The following VPS13A variants were observed in gnomAD, a reference collection of about 807,000 sequenced individuals.
The protein encoded by VPS13A is intermembrane lipid transfer protein VPS13A.
Under a neutral mutation model 390.9 loss-of-function variants are expected in VPS13A, and 264 were observed. The observed-to-expected ratio is 0.68, with a 90% CI of 0.61 to 0.75. The LOEUF (loss-of-function observed/expected upper bound fraction) is 0.75. Among genes scored for constraint, VPS13A ranks in the 30% least tolerant of loss-of-function variants. The pLI, the probability that VPS13A is intolerant of heterozygous loss-of-function variation, is 0.00. For missense variants in VPS13A, 3,409 were observed against 3,733.9 expected, an observed-to-expected ratio of 0.91 and a Z score of 2.27; for synonymous variants, 1,231 against 1,227.1, an observed-to-expected ratio of 1.00 and a Z score of -0.07.
chr9:77,327,645 T>C (rs904973883), intron 45 of VPS13A, among the ~76,000 whole-genome samples: 19 of 150,196 alleles, frequency 1.3e-4, no homozygotes, highest in African/African-American at 4.6e-4. Context: ...ATTATTATTA[T>C]TATTATTATA....
chr9:77,403,452 C>A, intron 69 of VPS13A, 131 bp downstream of exon 69: 2 of 777,784 alleles, frequency 2.6e-6, no homozygotes, highest in Non-Finnish European at 2.2e-6. Flanking sequence ...GCTCCACAAG[C>A]CTAACTCGCT....
intron 35 of VPS13A, among the ~76,000 whole-genome samples, chr9:77,309,060 A>T (rs1828920710): frequency 6.6e-6 from 1 of 152,196 alleles, no homozygotes; most frequent in African/African-American, 2.4e-5. Flanking sequence ...AATTGAGGTG[A>T]CAGAAAAGGA....
intron 61 of VPS13A, among the ~76,000 whole-genome samples, chr9:77,367,165 C>T (rs1832479857): frequency 6.6e-6 from 1 of 151,992 alleles, no homozygotes; most frequent in African/African-American, 2.4e-5. Flanking sequence ...TGTGTATGCC[C>T]AAAGATATGG....
chr9:77,300,686 A>G (rs1218200088), intron 33 of VPS13A, among the ~76,000 whole-genome samples: 1 of 152,214 alleles, frequency 6.6e-6, no homozygotes, highest in Non-Finnish European at 1.5e-5. Flanking sequence ...GACCTGTGTT[A>G]ATGCCACTGC....
chr9:77,292,951 A>G (rs1827761478), intron 31 of VPS13A, among the ~76,000 whole-genome samples: 1 of 152,184 alleles, frequency 6.6e-6, no homozygotes, highest in African/African-American at 2.4e-5. Context: ...AGATTTCAGT[A>G]AGGTGTAGAT....
intron 31 of VPS13A, among the ~76,000 whole-genome samples, chr9:77,291,805 T>G (rs1227863615): frequency 6.6e-6 from 1 of 152,146 alleles, no homozygotes; most frequent in African/African-American, 2.4e-5. Flanking sequence ...CCAGGGCTGT[T>G]TCTGTGAGTC....
intron 1 of VPS13A, among the ~76,000 whole-genome samples, chr9:77,189,985 TA>T (rs2131071745): frequency 6.6e-6 from 1 of 152,182 alleles, no homozygotes. Flanking sequence ...TTATTAGTTC[TA>T]GGAACCTTTG....
Position 77,351,293 on chromosome 9 carries a change from C to T in VPS13A, c.7290-24C>T, listed in dbSNP as rs766323965. On this transcript the variant is annotated intron_variant, in intron 52 of 71. Coordinates refer to ENST00000360280, the MANE Select transcript of VPS13A (RefSeq NM_033305.3). ...CTTCGTGTACTTGCATTTAATTTAA[C>T]GCGTATTTTTGCTACTGTGTCAGTT... 1.5e-5 allele frequency: 24 copies of T among 1,609,878 alleles called. 1 individual carries two copies. The highest frequency in any genetic ancestry group is 1.3e-4 in the Admixed American group (8 of 59,858).
At chr9:77,369,450 TA>T (rs1563966134) in intron 63 of VPS13A, 38 bp downstream of exon 63, 6 of 1,290,470 alleles carry the variant, frequency 4.6e-6, no homozygotes, top group Non-Finnish European at 5.6e-6. Context: ...AATATGTCAC[TA>T]ATACTTTTGA....
intron 70 of VPS13A, among the ~76,000 whole-genome samples, chr9:77,406,696 C>T (rs1003318987): frequency 6.6e-6 from 1 of 151,550 alleles, no homozygotes; most frequent in African/African-American, 2.4e-5. Flanking sequence ...TGATTATAGA[C>T]GTGAGCCACT....
chr9:77,227,629 A>G, intron 16 of VPS13A, 144 bp downstream of exon 16: 1 of 608,476 alleles, frequency 1.6e-6, no homozygotes, highest in Non-Finnish European at 2.8e-6. Flanking sequence ...CAATCCTCCC[A>G]CCTCAGCCTC....
intron 45 of VPS13A, among the ~76,000 whole-genome samples, chr9:77,326,326 T>C (rs1391864047): frequency 6.6e-6 from 1 of 152,112 alleles, no homozygotes; most frequent in Non-Finnish European, 1.5e-5. Flanking sequence ...TTTTTGCCAT[T>C]GTTTCTAAAA....
At chr9:77,206,348 C>T (rs201491206) in intron 5 of VPS13A, among the ~76,000 whole-genome samples, 31 of 116,208 alleles carry the variant, frequency 2.7e-4, no homozygotes, top group East Asian at 9.9e-4. Flanking sequence ...TATATATACA[C>T]ACACACACAT....
chr9:77,412,722 CAACAT>C (rs1182320769), intron 71 of VPS13A, among the ~76,000 whole-genome samples: 1 of 152,104 alleles, frequency 6.6e-6, no homozygotes, highest in Non-Finnish European at 1.5e-5. Context: ...CACTCCTATT[CAACAT>C]AGTGTTGGAA....
intron 46 of VPS13A, among the ~76,000 whole-genome samples, chr9:77,332,493 T>A (rs1435983763): frequency 6.6e-6 from 1 of 151,872 alleles, no homozygotes; most frequent in East Asian, 1.9e-4. Context: ...GAAATTCCTT[T>A]AGTAAACAAT....
chr9:77,377,972 G>A (rs1480572662), intron 67 of VPS13A, among the ~76,000 whole-genome samples: 2 of 152,148 alleles, frequency 1.3e-5, no homozygotes, highest in South Asian at 2.1e-4. Context: ...CATTAATTGA[G>A]TCAGATCTTA....
intron 1 of VPS13A, among the ~76,000 whole-genome samples, chr9:77,199,714 C>T (rs1199017938): frequency 6.6e-6 from 1 of 152,122 alleles, no homozygotes; most frequent in African/African-American, 2.4e-5. Context: ...TAACATTGAG[C>T]TACAATTGCA....
rs1587747273 is a variant in VPS13A, at chr9:77,419,666, A to AAATT, written c.*3662_*3665dup. On this transcript the variant is annotated 3_prime_UTR_variant, in exon 72 of 72. Transcript: ENST00000360280. ...CAGTGGGACCAGAAAAAGCATAGAA[A>AAATT]AATTAGATCCACACACAGCACCCAA... 1 of 152,126 alleles carries AAATT rather than the reference A, an allele frequency of 6.6e-6. No homozygotes were observed. 9.4% of individuals were successfully genotyped at this position (152,126 alleles called of 1,614,324 possible).
Position 77,276,108 on chromosome 9 carries a change from C to CT in VPS13A, c.2712dup (p.Val905CysfsTer14). The stretch of plus-strand genomic sequence containing the variant: ...CACCTTGTTGGAGATTGTGAACTAT[C>CT]TGTGGTAGAAATTCTTGTTTTAGGA... On this transcript the variant is annotated frameshift_variant, in exon 26 of 72. Coordinates refer to ENST00000360280, the MANE Select transcript of VPS13A (RefSeq NM_033305.3). LOFTEE classifies it high-confidence loss of function. 1 of 1,613,150 alleles carries CT rather than the reference C, an allele frequency of 6.2e-7. No individual in the cohort carries two copies. The highest frequency in any genetic ancestry group is 8.5e-7 in the Non-Finnish European group (1 of 1,179,728).
Sources: allele counts gnomAD v4.1 joint callset (sites outside exome capture counted in the v4.1 genomes callset), GRCh38; gene constraint gnomAD v4.1.1; transcripts MANE v1.5; gene names NCBI Gene and HGNC (gene_info 2026-07-23, HGNC 2026-07-21).